The following CCDC85A variants were observed in gnomAD, a reference collection of about 807,000 sequenced individuals.
The protein encoded by CCDC85A is coiled-coil domain containing 85A, also known as coiled-coil domain-containing protein 85A.
In CCDC85A, 38 loss-of-function variants were observed where a neutral mutation model predicts 50.2. That is an observed-to-expected ratio of 0.76 (90% CI 0.58 to 0.99). The LOEUF (loss-of-function observed/expected upper bound fraction) is 0.99, where lower values mean the gene tolerates loss of function less well. CCDC85A is among the 50% of genes least tolerant of loss of function. The pLI, the probability that CCDC85A is intolerant of heterozygous loss-of-function variation, is 0.00. For missense variants in CCDC85A, 820 were observed against 742.0 expected (o/e 1.11, Z -1.22); for synonymous variants, 366 against 301.4 (o/e 1.21, Z -2.22).
chr2:56,343,071 A>G (rs1558650533), intron 3 of CCDC85A, 116 bp downstream of exon 3: 5 of 685,900 alleles, frequency 7.3e-6, no homozygotes, highest in East Asian at 3.0e-5. Context: ...TCATTTTGTA[A>G]ATAGCCATTC....
At chr2:56,287,670 C>G (rs536562142) in intron 2 of CCDC85A, among the ~76,000 whole-genome samples, 19 of 152,304 alleles carry the variant, frequency 1.2e-4, no homozygotes, top group Non-Finnish European at 2.5e-4. Context: ...ACCAAACTCA[C>G]CCTTTCAGAG....
intron 2 of CCDC85A, among the ~76,000 whole-genome samples, chr2:56,326,650 A>G (rs1673486670): frequency 6.6e-6 from 1 of 152,100 alleles, no homozygotes; most frequent in South Asian, 2.1e-4. Flanking sequence ...TTTATTTCTT[A>G]TTTCAATTTT....
At chr2:56,366,824 T>G (rs1457328391) in intron 3 of CCDC85A, among the ~76,000 whole-genome samples, 1 of 152,198 alleles carries the variant, frequency 6.6e-6, no homozygotes, top group Non-Finnish European at 1.5e-5. Flanking sequence ...CTTCACCACA[T>G]GTGACGCAGA....
chr2:56,307,698 G>C (rs1435056141), intron 2 of CCDC85A, among the ~76,000 whole-genome samples: 1 of 152,080 alleles, frequency 6.6e-6, no homozygotes, highest in African/African-American at 2.4e-5. Flanking sequence ...GGAGATTAAA[G>C]ACTGCCCAAA....
chr2:56,251,265 T>C (rs1372768892), intron 2 of CCDC85A, among the ~76,000 whole-genome samples: 1 of 152,218 alleles, frequency 6.6e-6, no homozygotes, highest in Non-Finnish European at 1.5e-5. Context: ...GAGCCCAAGT[T>C]TGCCCAGTGC....
intron 2 of CCDC85A, among the ~76,000 whole-genome samples, chr2:56,277,018 G>A (rs184491846): frequency 1.3e-5 from 2 of 152,258 alleles, no homozygotes; most frequent in African/African-American, 2.4e-5. Context: ...CCAAGAACAG[G>A]CCAGCTCTAA....
intron 2 of CCDC85A, among the ~76,000 whole-genome samples, chr2:56,287,106 T>A (rs567555778): frequency 6.6e-6 from 1 of 152,304 alleles, no homozygotes; most frequent in South Asian, 2.1e-4. Flanking sequence ...TGACATCTGG[T>A]GTTTTTGTTC....
chr2:56,184,299 C>T lies in CCDC85A; in HGVS notation c.-326C>T, dbSNP rs1250687638. On this transcript the variant is annotated 5_prime_UTR_variant, in exon 1 of 6. Coordinates refer to ENST00000407595, the MANE Select transcript of CCDC85A (RefSeq NM_001080433.2). Reference sequence around the variant, plus strand: ...AGGGCAGGGGAACGGCGGTGCAGCTCCCCCGCTGTCCCCGAGGATTTCCCG... The same window carrying T: ...AGGGCAGGGGAACGGCGGTGCAGCTTCCCCGCTGTCCCCGAGGATTTCCCG... 4 of 641,072 alleles carry T rather than the reference C, an allele frequency of 6.2e-6. No homozygotes were observed. The highest frequency in any genetic ancestry group is 8.2e-6 in the Non-Finnish European group (4 of 490,044). The allele number at this position is 641,072 out of a possible 1,614,324, so 39.7% of individuals were successfully genotyped here.
chr2:56,299,141 T>C (rs1357822664), intron 2 of CCDC85A, among the ~76,000 whole-genome samples: 1 of 152,194 alleles, frequency 6.6e-6, no homozygotes, highest in African/African-American at 2.4e-5. Flanking sequence ...CTCTTACAGC[T>C]GCACTCAGTC....
At chr2:56,358,127 A>G (rs1573333604) in intron 3 of CCDC85A, among the ~76,000 whole-genome samples, 1 of 152,286 alleles carries the variant, frequency 6.6e-6, no homozygotes, top group East Asian at 1.9e-4. Flanking sequence ...AAGCAAGATA[A>G]TCTGTGAAAA....
chr2:56,275,535 AC>A (rs1167168843), intron 2 of CCDC85A, among the ~76,000 whole-genome samples: 1 of 152,104 alleles, frequency 6.6e-6, no homozygotes, highest in Non-Finnish European at 1.5e-5. Flanking sequence ...ATAAATTTTC[AC>A]TTTTTCGCTG....
intron 2 of CCDC85A, among the ~76,000 whole-genome samples, chr2:56,242,866 A>G (rs1573086126): frequency 6.6e-6 from 1 of 152,022 alleles, no homozygotes; most frequent in African/African-American, 2.4e-5. Context: ...AATTCCTTCA[A>G]TGTCTTCTGT....
chr2:56,328,786 G>A lies in CCDC85A; in HGVS notation c.1241-14093G>A, dbSNP rs757035179. On this transcript the variant is annotated intron_variant, in intron 2 of 5. Coordinates refer to ENST00000407595, the MANE Select transcript of CCDC85A (RefSeq NM_001080433.2). ...TGGCTGTACCTCCTGGAGACGTATT[G>A]AATCTGGCTGCTTTCTGCGCCACTG... Among the ~76,000 whole-genome samples, 4 of 151,992 alleles carry A rather than the reference G, an allele frequency of 2.6e-5. No homozygotes were observed. In the East Asian group the frequency reaches 5.8e-4, roughly 22 times the overall value.
chr2:56,334,333 T>G (rs1326624203), intron 2 of CCDC85A, among the ~76,000 whole-genome samples: 1 of 152,166 alleles, frequency 6.6e-6, no homozygotes, highest in African/African-American at 2.4e-5. Context: ...AGTGTTGTAA[T>G]ATTAAAGTAA....
chr2:56,347,546 CATAA>C (rs1224466528), intron 3 of CCDC85A, among the ~76,000 whole-genome samples: 1 of 152,140 alleles, frequency 6.6e-6, no homozygotes, highest in African/African-American at 2.4e-5. Context: ...TGGTATACAA[CATAA>C]ATAAAACAAA....
chr2:56,290,915 G>T (rs1174765859), intron 2 of CCDC85A, among the ~76,000 whole-genome samples: 1 of 152,034 alleles, frequency 6.6e-6, no homozygotes, highest in Admixed American at 6.6e-5. Flanking sequence ...TAATTCTTTT[G>T]GTGTCTTTAA....
intron 2 of CCDC85A, among the ~76,000 whole-genome samples, chr2:56,206,411 T>C (rs1039352245): frequency 2.0e-5 from 3 of 152,150 alleles, no homozygotes. Context: ...GGATAATTAA[T>C]AATGAACAGA....
At chr2:56,199,938 G>C (rs555224445) in intron 2 of CCDC85A, among the ~76,000 whole-genome samples, 3 of 152,250 alleles carry the variant, frequency 2.0e-5, no homozygotes, top group African/African-American at 7.2e-5. Flanking sequence ...GCGCAGTCTT[G>C]GCTCACTGCA....
chr2:56,330,675 G>A (rs10179081), intron 2 of CCDC85A, among the ~76,000 whole-genome samples: 7,346 of 152,168 alleles, frequency 0.048, 581 homozygotes, highest in African/African-American at 0.17. Flanking sequence ...AATTCCCAAG[G>A]AACAAGTAAA....
Sources: allele counts gnomAD v4.1 joint callset (sites outside exome capture counted in the v4.1 genomes callset), GRCh38; gene constraint gnomAD v4.1.1; transcripts MANE v1.5; gene names NCBI Gene and HGNC (gene_info 2026-07-23, HGNC 2026-07-21).